Variants in RGS11 observed in about 807,000 individuals in gnomAD.
RGS11 encodes the protein regulator of G-protein signaling 11.
In RGS11, 86 loss-of-function variants were observed where a neutral mutation model predicts 71.1. That is an observed-to-expected ratio of 1.21 (90% CI 1.02 to 1.45). RGS11 has a LOEUF of 1.45. Ranked by LOEUF, RGS11 falls within the 40% of genes most tolerant of loss-of-function variation. The pLI, the probability that RGS11 is intolerant of heterozygous loss-of-function variation, is 0.00. For synonymous variants in RGS11, 298 were observed against 254.2 expected, an observed-to-expected ratio of 1.17 and a Z score of -1.64; for missense variants, 734 against 635.1, an observed-to-expected ratio of 1.16 and a Z score of -1.67.
Position 275,412 on chromosome 16 carries a change from G to A in RGS11, c.150C>T (p.His50=). The A allele has an allele frequency of 6.2e-7, 1 of 1,605,656 alleles. No homozygotes were observed. Among genetic ancestry groups the A allele is most frequent in the South Asian group, 1.1e-5 (1 of 90,970 alleles). The change falls in exon 2 of 17, where the codon CAC becomes CAT. Residue 50 remains histidine, a synonymous_variant. Coordinates refer to ENST00000397770, the MANE Select transcript of RGS11 (RefSeq NM_183337.3). The part of the protein sequence containing the change: ...SQRLLVTVIP[H]AVTGSDVVQW... ...CCCGGCGCGCCTCACCTGTCACCGC[G>A]TGGGGAATGACGGTGACCAGCAGGC...
intron 8 of RGS11, among the ~76,000 whole-genome samples, 197 bp downstream of exon 8, chr16:273,278 G>A (rs1034790600): frequency 5.9e-5 from 9 of 152,190 alleles, no homozygotes; most frequent in African/African-American, 2.2e-4. Flanking sequence ...TTGTCCTGTG[G>A]TCTAGGGATG....
chr16:274,376 T>C, intron 4 of RGS11, 111 bp from the exon 5 acceptor site: 1 of 1,184,498 alleles, frequency 8.4e-7, no homozygotes, highest in Non-Finnish European at 1.2e-6. Flanking sequence ...AGGAGGTGTC[T>C]GAGGATCTCC....
At chr16:274,297 C>T (rs186882186) in intron 4 of RGS11, 32 bp from the exon 5 acceptor site, 39 of 1,595,886 alleles carry the variant, frequency 2.4e-5, no homozygotes, top group Middle Eastern at 3.4e-4. Flanking sequence ...GTGTCCAGGA[C>T]GCCTGCGTCT....
Position 268,921 on chromosome 16 carries a change from T to TA in RGS11, c.*347_*348insT, listed in dbSNP as rs1350485684. ...GTATTCGCTGGCTGATTTACTGGTT[T>TA]TAGAGATGGGGATGGGCACCCAGTG... is the stretch of plus-strand genomic sequence containing the variant. On this transcript the variant is annotated 3_prime_UTR_variant, in exon 17 of 17. Transcript: ENST00000397770. The TA allele has an allele frequency of 1.9e-6, 3 of 1,550,340 alleles. No homozygotes were observed. The African/African-American group carries it at 4.1e-5, about 21-fold the overall frequency.
Position 275,484 on chromosome 16 carries a change from G to A in RGS11, c.78C>T (p.Val26=), listed in dbSNP as rs1030416436. ...CCTGGTCGGGGTCCTGCATGCTCAC[G>A]ACCACCCGCTCCATCTGGGCGGAGG... ...MPHLRKMERV[V]VSMQDPDQGV... Residue 26 remains valine (V), a synonymous_variant, in exon 2 of 17, where the codon GTC becomes GTT. Coordinates refer to ENST00000397770, the MANE Select transcript of RGS11 (RefSeq NM_183337.3). 33 of 1,579,086 alleles carry A rather than the reference G, an allele frequency of 2.1e-5. No individual in the cohort carries two copies. The highest frequency in any genetic ancestry group is 2.7e-5 in the African/African-American group (2 of 74,536).
At chr16:270,498 C>T (rs764039369) in intron 15 of RGS11, 25 bp downstream of exon 15, 5 of 1,584,842 alleles carry the variant, frequency 3.2e-6, no homozygotes, top group South Asian at 1.1e-5. Flanking sequence ...CCCCTCCTGC[C>T]CCTGCAGGCT....
chr16:270,997 T>C lies in RGS11; in HGVS notation c.966A>G (p.Gly322=), dbSNP rs1187868710. The C allele has an allele frequency of 8.7e-6, 14 of 1,611,894 alleles. 2 individuals are homozygous for C. The South Asian group carries it at 1.5e-4, about 18-fold the overall frequency. The change falls in exon 13 of 17, where the codon GGA becomes GGG. Residue 322 remains glycine, a synonymous_variant. Coordinates refer to ENST00000397770, the MANE Select transcript of RGS11 (RefSeq NM_183337.3). ...GGGGGTTCTCACCACTGAACTCCTT[T>C]CCCAGAAAGTCCATGAAGTGGGCCC... ...VGRAHFMDFL[G]KEFSGENLSF... is the part of the protein sequence containing the mutation.
rs375487690 is a variant in RGS11 at position 274,967 on chromosome 16, G to A, written c.318+9C>T. On this transcript the variant is annotated intron_variant, in intron 4 of 16. Coordinates refer to ENST00000397770, the MANE Select transcript of RGS11 (RefSeq NM_183337.3). Reference sequence around the variant, plus strand: ...CCCACCGGCTCCCACCTGCACCCCCGAGCCTGACCTGGAACCTGTAGGGCG... The same window carrying A: ...CCCACCGGCTCCCACCTGCACCCCCAAGCCTGACCTGGAACCTGTAGGGCG... 4.4e-5 allele frequency: 68 copies of A among 1,542,004 alleles called. No homozygotes were observed. In the East Asian group the frequency reaches 7.8e-4, roughly 18 times the overall value.
At chr16:269,727 C>T (rs956951311) in intron 15 of RGS11, 142 bp from the exon 16 acceptor site, 19 of 655,532 alleles carry the variant, frequency 2.9e-5, no homozygotes, top group Middle Eastern at 2.5e-4. Flanking sequence ...GCAGCCGCCT[C>T]GGACCTGCCC....
chr16:271,224 A>T lies in RGS11; in HGVS notation c.841T>A (p.Tyr281Asn), dbSNP rs770413040. 31 of 1,612,756 alleles carry T rather than the reference A, an allele frequency of 1.9e-5. No homozygotes were observed. The African/African-American group carries it at 4.0e-4, about 21-fold the overall frequency. ...SNPWISDNDA[Y>N]WVMNAPTVAA... ...CACGTGGGGGCATTCATGACCCAGT[A>T]GGCGTCATTGTCTGAGATCCAGGGA... The change falls in exon 12 of 17, where the codon TAC becomes AAC. Residue 281 changes from tyrosine (Y) to asparagine (N), a missense_variant. Physicochemically the swap from Tyr to Asn is moderately radical, Grantham distance 143. Coordinates refer to ENST00000397770, the MANE Select transcript of RGS11 (RefSeq NM_183337.3).
intron 13 of RGS11, 51 bp from the exon 14 acceptor site, chr16:270,882 G>T: frequency 6.3e-7 from 1 of 1,589,922 alleles, no homozygotes; most frequent in Non-Finnish European, 8.6e-7. Flanking sequence ...GGCAGCCAGG[G>T]CCGGTGGGGG....
rs1291440215 is a variant in RGS11 at position 272,886 on chromosome 16, AG to A, written c.633del (p.Cys212AlafsTer8). 1 of 1,539,236 alleles carries A rather than the reference AG, an allele frequency of 6.5e-7. No homozygotes were observed. The highest frequency in any genetic ancestry group is 8.8e-7 in the Non-Finnish European group (1 of 1,142,210). On this transcript the variant is annotated frameshift_variant, in exon 9 of 17. Coordinates refer to ENST00000397770, the MANE Select transcript of RGS11 (RefSeq NM_183337.3). LOFTEE classifies it high-confidence loss of function. ...ACCATGAGCACACGGCTGGCAGCGC[AG>A]GATCCCCGCCCTGGACCCTGCTCCA... Reference protein sequence around the residue: ...DVLEQGPGRGSCAASRVLMTK... With the variant: ...DVLEQGPGRGXCAASRVLMTK...
chr16:270,883 C>G (rs1596891236), intron 13 of RGS11, 52 bp from the exon 14 acceptor site: 1 of 1,589,636 alleles, frequency 6.3e-7, no homozygotes, highest in Admixed American at 1.8e-5. Flanking sequence ...GCAGCCAGGG[C>G]CGGTGGGGGG....
At chr16:269,606 C>A in intron 15 of RGS11, 21 bp from the exon 16 acceptor site, 1 of 1,589,626 alleles carries the variant, frequency 6.3e-7, no homozygotes. Context: ...CAGCGTCCAG[C>A]CCCTGACCCT....
At chr16:272,147 A>C (rs2051967744) in intron 9 of RGS11, 1 of 1,142,880 alleles carries the variant, frequency 8.7e-7, no homozygotes, top group South Asian at 1.9e-5. Context: ...AATATGTCAC[A>C]TTTTCAAATG....
chr16:271,937 A>C, intron 9 of RGS11: 1 of 315,036 alleles, frequency 3.2e-6, no homozygotes, highest in Non-Finnish European at 6.0e-6. Flanking sequence ...CCTGGATTCA[A>C]GCTATTCTCC....
chr16:273,106 T>C (rs1360734535), intron 8 of RGS11, among the ~76,000 whole-genome samples, 175 bp from the exon 9 acceptor site: 1 of 152,028 alleles, frequency 6.6e-6, no homozygotes, highest in Non-Finnish European at 1.5e-5. Context: ...AAATGGCCTG[T>C]CCACCGGGCC....
chr16:274,798 C>T (rs1256560691), intron 4 of RGS11, 178 bp downstream of exon 4: 2 of 858,698 alleles, frequency 2.3e-6, no homozygotes, highest in African/African-American at 1.7e-5. Context: ...TCACCACATC[C>T]GTACTTGCGG....
In RGS11 at chr16:275,575, G is replaced by C. The variant is rs867345286; in HGVS notation, c.64-77C>G. The C allele has an allele frequency of 1.3e-4, 159 of 1,262,254 alleles. No homozygotes were observed. The African/African-American group carries it at 2.1e-3, about 16-fold the overall frequency. The allele number at this position is 1,262,254 out of a possible 1,614,324, so 78.2% of individuals were successfully genotyped here. ...CCCTGGCACCGGCCGGGATGCCCCG[G>C]ATCCGGGAGCGCGGAGATTAACGCG... On this transcript the variant is annotated intron_variant, in intron 1 of 16. Coordinates refer to ENST00000397770, the MANE Select transcript of RGS11 (RefSeq NM_183337.3).
Sources: gnomAD v4.1 joint callset for allele counts (sites outside exome capture counted in the v4.1 genomes callset) on GRCh38, gnomAD v4.1.1 for gene constraint, MANE v1.5 for transcripts, NCBI Gene and HGNC (gene_info 2026-07-23, HGNC 2026-07-21) for gene names.